TSNARE1: variants seen among roughly 807,000 people sequenced by gnomAD.
TSNARE1 encodes t-SNARE domain-containing protein 1.
A neutral mutation model predicts 62.0 loss-of-function variants in TSNARE1; 49 were observed. The observed-to-expected ratio is 0.79, with a 90% CI of 0.63 to 1.00. TSNARE1 has a LOEUF of 1.00. Ranked by LOEUF, TSNARE1 falls within the 50% of genes least tolerant of loss-of-function variation. The pLI, the probability that TSNARE1 is intolerant of heterozygous loss-of-function variation, is 0.00. For synonymous variants in TSNARE1, 328 were observed against 294.4 expected (o/e 1.11, Z -1.17); for missense variants, 755 against 700.1 (o/e 1.08, Z -0.88).
At chr8:142,219,061 G>A (rs1466424895) in intron 13 of TSNARE1, among the ~76,000 whole-genome samples, 3 of 152,050 alleles carry the variant, frequency 2.0e-5, no homozygotes, top group South Asian at 4.2e-4. Flanking sequence ...CTCTTGCTGC[G>A]GTTAGAAAAC....
intron 1 of TSNARE1, among the ~76,000 whole-genome samples, chr8:142,362,596 G>C (rs1835248340): frequency 1.3e-5 from 2 of 152,276 alleles, no homozygotes; most frequent in East Asian, 3.9e-4. Flanking sequence ...CCGAGATCAA[G>C]TGGGGGCCAG....
In TSNARE1 at chr8:142,374,970, A is replaced by G. The variant is rs565700370; in HGVS notation, c.-39-20207T>C. Among the ~76,000 whole-genome samples the G allele has an allele frequency of 2.5e-4, 38 of 152,310 alleles. No individual in the cohort carries two copies. The East Asian group carries it at 7.2e-3, about 29-fold the overall frequency. On this transcript the variant is annotated intron_variant, in intron 1 of 13. Coordinates refer to ENST00000524325, the MANE Select transcript of TSNARE1 (RefSeq NM_145003.5). ...GGCGCCAGGCAGGTGCCCAAGCACC[A>G]TTAGTTCCTGTCCCCTTTCCCCAGG...
intron 13 of TSNARE1, among the ~76,000 whole-genome samples, chr8:142,215,038 A>C (rs990353683): frequency 4.6e-5 from 7 of 152,152 alleles, no homozygotes; most frequent in African/African-American, 1.7e-4. Flanking sequence ...CACTCTGTCC[A>C]TGCTCCTAGC....
intron 12 of TSNARE1, among the ~76,000 whole-genome samples, chr8:142,246,474 C>T (rs1232576431): frequency 1.3e-5 from 2 of 152,118 alleles, no homozygotes; most frequent in African/African-American, 2.4e-5. Context: ...CCCTGGCATG[C>T]CCCCTCCTCC....
intron 7 of TSNARE1, among the ~76,000 whole-genome samples, chr8:142,316,766 G>T (rs897077086): frequency 6.6e-6 from 1 of 151,858 alleles, no homozygotes; most frequent in African/African-American, 2.4e-5. Context: ...GTTTTCTTGC[G>T]TGGGGGCATG....
At chr8:142,246,383 T>C (rs1182761423) in intron 12 of TSNARE1, among the ~76,000 whole-genome samples, 1 of 152,162 alleles carries the variant, frequency 6.6e-6, no homozygotes, top group Non-Finnish European at 1.5e-5. Context: ...CTCCTGCTGC[T>C]GGCTGTCCCT....
At chr8:142,353,311 C>T (rs985844139) in intron 2 of TSNARE1, among the ~76,000 whole-genome samples, 1 of 152,116 alleles carries the variant, frequency 6.6e-6, no homozygotes, top group South Asian at 2.1e-4. Context: ...ACTCACTTGT[C>T]TCTCTGCCTC....
intron 13 of TSNARE1, among the ~76,000 whole-genome samples, chr8:142,213,183 T>A: frequency 1.4e-4 from 1 of 7,212 alleles, no homozygotes; most frequent in African/African-American, 7.2e-4. Flanking sequence ...CTCCCTCCCC[T>A]CTTCCTCTCC....
chr8:142,402,374 C>T (rs1032406691), intron 1 of TSNARE1, among the ~76,000 whole-genome samples: 2 of 152,198 alleles, frequency 1.3e-5, no homozygotes, highest in African/African-American at 4.8e-5. Context: ...GCACGGAGGA[C>T]CTGAATCCTT....
chr8:142,280,602 C>T (rs1179524078), intron 11 of TSNARE1, among the ~76,000 whole-genome samples: 1 of 152,204 alleles, frequency 6.6e-6, no homozygotes, highest in African/African-American at 2.4e-5. Context: ...CCCACGACTG[C>T]TCCCTTCCCT....
At chr8:142,383,433 G>C (rs1306758948) in intron 1 of TSNARE1, among the ~76,000 whole-genome samples, 2 of 150,532 alleles carry the variant, frequency 1.3e-5, no homozygotes, top group African/African-American at 4.9e-5. Flanking sequence ...AGGACAGAGT[G>C]CAAATGCCAG....
intron 13 of TSNARE1, among the ~76,000 whole-genome samples, chr8:142,228,112 T>G (rs530684588): frequency 1.3e-4 from 20 of 152,204 alleles, no homozygotes. Context: ...TCAGCCGCAG[T>G]TGAGTCTTCA....
intron 12 of TSNARE1, among the ~76,000 whole-genome samples, chr8:142,248,622 C>T (rs1338849633): frequency 2.0e-5 from 3 of 152,208 alleles, no homozygotes; most frequent in African/African-American, 7.2e-5. Context: ...ACTGGGGACT[C>T]GTGGCGCTGA....
At chr8:142,362,175 G>A (rs1008950557) in intron 1 of TSNARE1, among the ~76,000 whole-genome samples, 5 of 152,344 alleles carry the variant, frequency 3.3e-5, no homozygotes, top group African/African-American at 1.2e-4. Flanking sequence ...AGCGGCACAG[G>A]AAGGGGCAGT....
intron 6 of TSNARE1, among the ~76,000 whole-genome samples, chr8:142,321,468 T>A (rs1267646129): frequency 6.6e-6 from 1 of 151,964 alleles, no homozygotes. Flanking sequence ...AGAACAGAGA[T>A]AATAAAGGTA....
chr8:142,360,503 C>T (rs1252585575), intron 1 of TSNARE1, among the ~76,000 whole-genome samples: 1 of 152,160 alleles, frequency 6.6e-6, no homozygotes, highest in East Asian at 1.9e-4. Context: ...CTCAATGAGG[C>T]CGGACGGAGG....
intron 1 of TSNARE1, among the ~76,000 whole-genome samples, chr8:142,386,301 T>C (rs1175665022): frequency 6.6e-6 from 1 of 152,150 alleles, no homozygotes. Context: ...ACTTAATAAA[T>C]GGTCCCTCTC....
intron 8 of TSNARE1, 37 bp from the exon 9 acceptor site, chr8:142,314,477 A>G (rs1181371036): frequency 1.3e-6 from 2 of 1,595,996 alleles, no homozygotes; most frequent in African/African-American, 1.3e-5. Flanking sequence ...AGACAGGAAG[A>G]GCAAAAAGGG....
Position 142,359,265 on chromosome 8 carries a change from C to T in TSNARE1, c.-39-4502G>A, listed in dbSNP as rs147178451. Among the ~76,000 whole-genome samples, 179 of 152,238 alleles carry T rather than the reference C, an allele frequency of 1.2e-3. 2 individuals are homozygous for T. Among genetic ancestry groups the T allele is most frequent in the South Asian group, 4.6e-3 (22 of 4,824 alleles). On this transcript the variant is annotated intron_variant, in intron 1 of 13. Coordinates refer to ENST00000524325, the MANE Select transcript of TSNARE1 (RefSeq NM_145003.5). ...GCTTACCACACGTCAGGCCGAGCAACGCCATGCTCCATAAGATGCAGATGC... is the reference window on the plus strand; with the variant it reads ...GCTTACCACACGTCAGGCCGAGCAATGCCATGCTCCATAAGATGCAGATGC...
Sources: gnomAD v4.1 joint callset for allele counts (sites outside exome capture counted in the v4.1 genomes callset) on GRCh38, gnomAD v4.1.1 for gene constraint, MANE v1.5 for transcripts, NCBI Gene and HGNC (gene_info 2026-07-23, HGNC 2026-07-21) for gene names.